Variants in ENPP1 observed in about 807,000 individuals in gnomAD.
ENPP1 encodes the protein ectonucleotide pyrophosphatase/phosphodiesterase 1, also known as ectonucleotide pyrophosphatase/phosphodiesterase family member 1.
In ENPP1, 73 loss-of-function variants were observed where a neutral mutation model predicts 122.8. That is an observed-to-expected ratio of 0.59 (90% CI 0.49 to 0.72). The LOEUF (loss-of-function observed/expected upper bound fraction) is 0.72, where lower values mean the gene tolerates loss of function less well. ENPP1 is among the 30% of genes least tolerant of loss of function. ENPP1 has a pLI of 0.00. For synonymous variants in ENPP1, 367 were observed against 391.6 expected, an observed-to-expected ratio of 0.94 and a Z score of 0.74; for missense variants, 978 against 1,128.1, an observed-to-expected ratio of 0.87 and a Z score of 1.91.
Position 131,874,357 on chromosome 6 carries a change from T to C in ENPP1, c.1635+20T>C. 3 of 1,347,306 alleles carry C rather than the reference T, an allele frequency of 2.2e-6. No homozygotes were observed. The highest frequency in any genetic ancestry group is 3.2e-6 in the Non-Finnish European group (3 of 941,362). 83.5% of individuals were successfully genotyped at this position (1,347,306 alleles called of 1,614,324 possible). On this transcript the variant is annotated intron_variant, in intron 16 of 24. Transcript: ENST00000647893. ...ATGCAAGTGAGTAAACCTATTATAC[T>C]TAATTGGATTAAATCTAAAGAAAAA...
At chr6:131,828,014 C>T (rs2114667271) in intron 1 of ENPP1, 1 of 685,524 alleles carries the variant, frequency 1.5e-6, no homozygotes, top group Non-Finnish European at 2.7e-6. Context: ...TAAGTTGCTG[C>T]AGGCTGCAAA....
At chr6:131,847,065 A>G (rs1781819934) in intron 1 of ENPP1, among the ~76,000 whole-genome samples, 1 of 152,204 alleles carries the variant, frequency 6.6e-6, no homozygotes. Flanking sequence ...TCACACAACT[A>G]GTTTGTGGTA....
At chr6:131,844,958 G>A (rs1011883888) in intron 1 of ENPP1, among the ~76,000 whole-genome samples, 2 of 148,126 alleles carry the variant, frequency 1.4e-5, no homozygotes, top group Admixed American at 1.3e-4. Context: ...TGTATTGTGA[G>A]TTATGTGATA....
intron 8 of ENPP1, among the ~76,000 whole-genome samples, chr6:131,861,359 A>G (rs754098903): frequency 6.6e-6 from 1 of 152,178 alleles, no homozygotes; most frequent in Non-Finnish European, 1.5e-5. Flanking sequence ...TTAAGAGACA[A>G]CTGTTAATTA....
In ENPP1 at chr6:131,890,494, T is replaced by C; in HGVS notation, c.2761T>C (p.Phe921Leu). ...ILKLKTHLPT[F>L]SQED The stretch of plus-strand genomic sequence containing the variant: ...AAAGTTGAAAACACATTTGCCAACC[T>C]TTAGCCAAGAAGACTGATATGTTTT... Residue 921 changes from phenylalanine to leucine, a missense_variant, in exon 25 of 25, where the codon TTT (phenylalanine) becomes CTT (leucine). This residue lies in a region of ENPP1 where 644 missense variants were observed against 781.5 expected (regional missense o/e 0.82). Coordinates refer to ENST00000647893, the MANE Select transcript of ENPP1 (RefSeq NM_006208.3). The C allele has an allele frequency of 6.2e-7, 1 of 1,613,962 alleles. No individual in the cohort carries two copies. The highest frequency in any genetic ancestry group is 1.3e-5 in the African/African-American group (1 of 75,060).
chr6:131,809,548 G>A (rs1274712419), intron 1 of ENPP1, among the ~76,000 whole-genome samples: 3 of 152,252 alleles, frequency 2.0e-5, no homozygotes, highest in Non-Finnish European at 4.4e-5. Context: ...ACACAATATT[G>A]ATGAGAACTT....
intron 10 of ENPP1, 147 bp from the exon 11 acceptor site, chr6:131,864,719 A>T (rs1782066979): frequency 1.2e-6 from 1 of 801,910 alleles, no homozygotes; most frequent in Non-Finnish European, 2.1e-6. Flanking sequence ...CCACATTTTG[A>T]AGAATTTCAA....
At chr6:131,836,098 A>C (rs1241137438) in intron 1 of ENPP1, among the ~76,000 whole-genome samples, 2 of 151,418 alleles carry the variant, frequency 1.3e-5, no homozygotes, top group Non-Finnish European at 2.9e-5. Context: ...AAAGATCCCC[A>C]AAAAGAGTGT....
intron 1 of ENPP1, among the ~76,000 whole-genome samples, chr6:131,836,414 G>A (rs1040549231): frequency 8.4e-5 from 10 of 119,264 alleles, no homozygotes; most frequent in African/African-American, 3.4e-4. Context: ...ACACCCAGCC[G>A]AGTGTGTGTG....
chr6:131,810,963 G>C (rs1486499165), intron 1 of ENPP1, among the ~76,000 whole-genome samples: 1 of 152,104 alleles, frequency 6.6e-6, no homozygotes, highest in Non-Finnish European at 1.5e-5. Context: ...CCTAGGTACT[G>C]AGCCAAACTG....
At position 131,879,966 on chromosome 6, in the gene ENPP1, C is replaced by T. The variant is rs138290653; in HGVS notation, c.2032C>T (p.Gln678Ter). The change falls in exon 20 of 25, where the codon CAG becomes TAG. Residue 678 changes from glutamine to a stop codon, truncating the protein, a stop_gained. Coordinates refer to ENST00000647893, the MANE Select transcript of ENPP1 (RefSeq NM_006208.3). LOFTEE classifies it high-confidence loss of function. ...ENTICLLSQHQFMSGYSQDIL... is the reference protein window; with the variant it reads ...ENTICLLSQH The stretch of plus-strand genomic sequence containing the variant: ...CACCATCTGTCTTCTTTCCCAGCAC[C>T]AGTTTATGAGTGGATACAGCCAAGA... 2.5e-6 allele frequency: 4 copies of T among 1,613,788 alleles called. No homozygotes were observed. Among genetic ancestry groups the T allele is most frequent in the Non-Finnish European group, 3.4e-6 (4 of 1,179,796 alleles).
At chr6:131,873,719 A>AC (rs371302837) in intron 15 of ENPP1, among the ~76,000 whole-genome samples, 2 of 152,092 alleles carry the variant, frequency 1.3e-5, no homozygotes, top group African/African-American at 4.8e-5. Flanking sequence ...CATGATACAT[A>AC]CCCCTGTCAA....
At chr6:131,825,849 T>C (rs1346799890) in intron 1 of ENPP1, 1 of 248,710 alleles carries the variant, frequency 4.0e-6, no homozygotes, top group East Asian at 8.0e-5. Context: ...TAAGCTCATA[T>C]ATTAATTACT....
chr6:131,836,599 T>A (rs1781677248), intron 1 of ENPP1, among the ~76,000 whole-genome samples: 1 of 152,226 alleles, frequency 6.6e-6, no homozygotes, highest in Non-Finnish European at 1.5e-5. Flanking sequence ...TTGGCGTTTT[T>A]TTAAATGCAC....
intron 17 of ENPP1, 93 bp downstream of exon 17, chr6:131,875,956 A>G (rs2114718845): frequency 1.0e-6 from 1 of 987,450 alleles, no homozygotes; most frequent in East Asian, 2.4e-5. Context: ...CTTTGTGGAG[A>G]TGATGGTGAG....
chr6:131,829,668 G>T (rs372814617), intron 1 of ENPP1, among the ~76,000 whole-genome samples: 1 of 152,172 alleles, frequency 6.6e-6, no homozygotes, highest in Admixed American at 6.5e-5. Context: ...AAGAGCTAAC[G>T]GTCAAACAGG....
chr6:131,876,842 C>CT, intron 17 of ENPP1, 150 bp from the exon 18 acceptor site: 1 of 720,372 alleles, frequency 1.4e-6, no homozygotes, highest in Admixed American at 2.4e-5. Context: ...CTTAAATACT[C>CT]TAAAACCCAA....
At chr6:131,811,370 ATATCTATATATCTATATC>A (rs1781348917) in intron 1 of ENPP1, among the ~76,000 whole-genome samples, 8 of 142,362 alleles carry the variant, frequency 5.6e-5, no homozygotes, top group African/African-American at 1.4e-4. Context: ...ATCTATATCT[ATATCTATATATCTATATC>A]TATATCTATA....
chr6:131,852,600 CA>C (rs927085573), intron 5 of ENPP1, among the ~76,000 whole-genome samples: 5 of 151,922 alleles, frequency 3.3e-5, no homozygotes, highest in African/African-American at 1.2e-4. Context: ...TTGTGTTTGG[CA>C]ATGGTGGAAC....
Sources: gnomAD v4.1 joint callset for allele counts (sites outside exome capture counted in the v4.1 genomes callset) on GRCh38, gnomAD v4.1.1 for gene constraint, gnomAD v4.1.1 regional missense constraint, MANE v1.5 for transcripts, NCBI Gene and HGNC (gene_info 2026-07-23, HGNC 2026-07-21) for gene names.